PRTG: variants seen among roughly 807,000 people sequenced by gnomAD.
The protein encoded by PRTG is immunoglobulin superfamily, DCC subclass, member 5.
Under a neutral mutation model 122.5 loss-of-function variants are expected in PRTG, and 67 were observed. The observed-to-expected ratio is 0.55, with a 90% confidence interval of 0.45 to 0.67. The LOEUF is 0.67. Among genes scored for constraint, PRTG ranks in the 30% least tolerant of loss-of-function variants. The probability of loss-of-function intolerance (pLI) is 0.00; values close to 1 mark genes in which losing one functional copy is unlikely to be tolerated. For missense variants in PRTG, 1,435 were observed against 1,415.4 expected (o/e 1.01, Z -0.22); for synonymous variants, 554 against 501.1 (o/e 1.11, Z -1.41).
At chr15:55,656,986 T>G (rs760945063) in intron 11 of PRTG, among the ~76,000 whole-genome samples, 1 of 152,216 alleles carries the variant, frequency 6.6e-6, no homozygotes, top group Non-Finnish European at 1.5e-5. Flanking sequence ...ACTTTGAATA[T>G]AAAGTATGCA....
chr15:55,712,198 A>G (rs1230033077), intron 2 of PRTG, among the ~76,000 whole-genome samples: 1 of 152,248 alleles, frequency 6.6e-6, no homozygotes, highest in Non-Finnish European at 1.5e-5. Context: ...TACACTGATA[A>G]GTCTTTGACA....
intron 11 of PRTG, among the ~76,000 whole-genome samples, chr15:55,665,932 C>T (rs2141781261): frequency 6.6e-6 from 1 of 152,252 alleles, no homozygotes; most frequent in South Asian, 2.1e-4. Flanking sequence ...ACTTCAGTGT[C>T]CACAAATGAA....
intron 2 of PRTG, among the ~76,000 whole-genome samples, chr15:55,693,458 G>GAAA (rs112499083): frequency 7.9e-6 from 1 of 126,624 alleles, no homozygotes; most frequent in East Asian, 2.3e-4. Flanking sequence ...CTCCGTCTCA[G>GAAA]AAAAAAAAAA....
At chr15:55,667,603 G>T (rs931254625) in intron 11 of PRTG, among the ~76,000 whole-genome samples, 1 of 152,042 alleles carries the variant, frequency 6.6e-6, no homozygotes, top group Non-Finnish European at 1.5e-5. Context: ...AAAAGAAAGG[G>T]TAACTTAAAA....
At chr15:55,696,765 T>G (rs958737297) in intron 2 of PRTG, among the ~76,000 whole-genome samples, 1 of 152,214 alleles carries the variant, frequency 6.6e-6, no homozygotes, top group South Asian at 2.1e-4. Flanking sequence ...AAGTGGTTTA[T>G]TACCTAATTT....
intron 11 of PRTG, among the ~76,000 whole-genome samples, chr15:55,671,687 G>A (rs1375961138): frequency 1.3e-5 from 2 of 152,006 alleles, no homozygotes; most frequent in African/African-American, 2.4e-5. Context: ...TTTTAGTAGA[G>A]ACAGGGTTTC....
chr15:55,620,123 T>C lies in PRTG; in HGVS notation c.3342A>G (p.Ser1114=), dbSNP rs1049381430. 3 of 1,614,082 alleles carry C rather than the reference T, an allele frequency of 1.9e-6. No individual in the cohort carries two copies. Among genetic ancestry groups the C allele is most frequent in the South Asian group, 2.2e-5 (2 of 91,086 alleles). The part of the protein sequence containing the change: ...PFGVAADTEH[S]ANSEGSHETG... ...TCTCATGGCTGCCTTCACTATTTGC[T>C]GAATGTTCTGTATCAGCTGCAACAC... is the stretch of plus-strand genomic sequence containing the variant. Residue 1114 remains serine (S), a synonymous_variant, in exon 20 of 20, where the codon TCA becomes TCG. Transcript: ENST00000389286.
At chr15:55,723,895 G>A (rs2030928867) in intron 2 of PRTG, among the ~76,000 whole-genome samples, 1 of 151,860 alleles carries the variant, frequency 6.6e-6, no homozygotes, top group African/African-American at 2.4e-5. Context: ...GGAATTACAG[G>A]TGCCTGCCAC....
intron 15 of PRTG, among the ~76,000 whole-genome samples, chr15:55,634,507 A>G (rs1463992358): frequency 6.6e-6 from 1 of 152,196 alleles, no homozygotes; most frequent in African/African-American, 2.4e-5. Context: ...TCAATAAATC[A>G]TTTTGGACTT....
In PRTG at chr15:55,624,519, G is replaced by T. The variant is rs201880322; in HGVS notation, c.2928-12C>A. Reference sequence around the variant, plus strand: ...AAGCAGATGATTTCCTAAAACATTGGCAAGAAGAGGAAGTCTTCTAATTTC... The same window carrying T: ...AAGCAGATGATTTCCTAAAACATTGTCAAGAAGAGGAAGTCTTCTAATTTC... On this transcript the variant is annotated splice_polypyrimidine_tract_variant and intron_variant, in intron 17 of 19. Coordinates refer to ENST00000389286, the MANE Select transcript of PRTG (RefSeq NM_173814.6). 2 of 1,603,656 alleles carry T rather than the reference G, an allele frequency of 1.2e-6. No homozygotes were observed. Among genetic ancestry groups the T allele is most frequent in the East Asian group, 2.2e-5 (1 of 44,626 alleles).
At chr15:55,692,950 C>G (rs1322427468) in intron 2 of PRTG, among the ~76,000 whole-genome samples, 1 of 146,226 alleles carries the variant, frequency 6.8e-6, no homozygotes, top group African/African-American at 2.5e-5. Flanking sequence ...AAGCAATTCT[C>G]CTGCTTCAGC....
chr15:55,639,780 T>A lies in PRTG; in HGVS notation c.2186A>T (p.Tyr729Phe), dbSNP rs772078779. ...VPPPPPPHHL[Y>F]AKANTSSSIF... The stretch of plus-strand genomic sequence containing the variant: ...GGAAGATGAGGTGTTAGCCTTCGCA[T>A]AGAGATGGTGGGGTGGTGGTGGAGG... Residue 729 changes from tyrosine (Y) to phenylalanine (F), a missense_variant, in exon 13 of 20, where the codon TAT becomes TTT. By Grantham distance (22) the Tyr-to-Phe change is conservative. Coordinates refer to ENST00000389286, the MANE Select transcript of PRTG (RefSeq NM_173814.6). The A allele has an allele frequency of 4.3e-6, 7 of 1,614,094 alleles. No homozygotes were observed. The highest frequency in any genetic ancestry group is 5.9e-6 in the Non-Finnish European group (7 of 1,180,014).
At chr15:55,712,215 T>C (rs562537149) in intron 2 of PRTG, among the ~76,000 whole-genome samples, 2 of 152,340 alleles carry the variant, frequency 1.3e-5, no homozygotes, top group Admixed American at 1.3e-4. Context: ...GACATAAGAA[T>C]GTGAACTCTA....
At chr15:55,670,956 T>C (rs1301374492) in intron 11 of PRTG, among the ~76,000 whole-genome samples, 2 of 140,432 alleles carry the variant, frequency 1.4e-5, no homozygotes, top group African/African-American at 2.7e-5. Context: ...CACACACACT[T>C]TGTGTGTGCA....
In PRTG at chr15:55,612,459, G is replaced by C. The variant is rs2059124322; in HGVS notation, c.*7553C>G. The C allele has an allele frequency of 6.6e-6, 1 of 151,518 alleles. No homozygotes were observed. Among genetic ancestry groups the C allele is most frequent in the Non-Finnish European group, 1.5e-5 (1 of 67,820 alleles). The allele number at this position is 151,518 out of a possible 1,614,324, so 9.4% of individuals were successfully genotyped here. On this transcript the variant is annotated 3_prime_UTR_variant, in exon 20 of 20. Transcript: ENST00000389286. ...GAAAATATTTCCTCTAAAAAAAGAA[G>C]CCAATCATATAATTCTTCCCAACAA...
chr15:55,664,248 T>C lies in PRTG; in HGVS notation c.2041+8197A>G, dbSNP rs546834288. 5.9e-5 allele frequency among the ~76,000 whole-genome samples: 9 copies of C among 152,228 alleles called. 1 individual carries two copies. The highest frequency in any genetic ancestry group is 2.2e-4 in the African/African-American group (9 of 41,538). Reference sequence around the variant, plus strand: ...CCTCCGCCCCCCAGGTTCAAGCGATTCTCCTGCCCCAGCCTTCCATATAGC... The same window carrying C: ...CCTCCGCCCCCCAGGTTCAAGCGATCCTCCTGCCCCAGCCTTCCATATAGC... On this transcript the variant is annotated intron_variant, in intron 11 of 19. Transcript: ENST00000389286.
chr15:55,720,870 T>C (rs972766483), intron 2 of PRTG, among the ~76,000 whole-genome samples: 4 of 152,212 alleles, frequency 2.6e-5, no homozygotes, highest in African/African-American at 9.6e-5. Context: ...TTCAAGGCTG[T>C]CCTGGGCTGC....
At chr15:55,625,696 T>G (rs1370121029) in intron 17 of PRTG, among the ~76,000 whole-genome samples, 2 of 130,928 alleles carry the variant, frequency 1.5e-5, no homozygotes, top group African/African-American at 5.1e-5. Flanking sequence ...CGATCTCGGC[T>G]CACTGCAAGC....
At position 55,641,216 on chromosome 15, in the gene PRTG, G is replaced by A. The variant is rs1341970928; in HGVS notation, c.2042-8C>T. 2.5e-6 allele frequency: 4 copies of A among 1,582,782 alleles called. No individual in the cohort carries two copies. The highest frequency in any genetic ancestry group is 3.5e-6 in the Non-Finnish European group (4 of 1,151,784). ...GATATTTTCTTCTGGGGTCTATAAA[G>A]AAACCAATAGGAAATAATTAGGACC... is the stretch of plus-strand genomic sequence containing the variant. On this transcript the variant is annotated splice_polypyrimidine_tract_variant and splice_region_variant and intron_variant, in intron 11 of 19. Coordinates refer to ENST00000389286, the MANE Select transcript of PRTG (RefSeq NM_173814.6).
Sources: allele counts gnomAD v4.1 joint callset (sites outside exome capture counted in the v4.1 genomes callset), GRCh38; gene constraint gnomAD v4.1.1; transcripts MANE v1.5; gene names NCBI Gene and HGNC (gene_info 2026-07-23, HGNC 2026-07-21).